The following ZNF407 variants were observed in gnomAD, a reference collection of about 807,000 sequenced individuals.
ZNF407 encodes zinc finger protein 407.
ZNF407 carries 17 observed loss-of-function variants against 131.2 expected under a neutral mutation model. The observed-to-expected ratio is 0.13, with a 90% CI of 0.09 to 0.19. The LOEUF is 0.19. Among genes scored for constraint, ZNF407 ranks in the 10% least tolerant of loss-of-function variants. ZNF407 has a pLI of 1.00. For missense variants in ZNF407, 2,681 were observed against 2,830.6 expected, an observed-to-expected ratio of 0.95 and a Z score of 1.20; for synonymous variants, 1,156 against 1,062.0, an observed-to-expected ratio of 1.09 and a Z score of -1.72.
rs1984379544 is a variant in ZNF407, at chr18:74,635,011, T to C, written c.3992T>C (p.Val1331Ala). 6.2e-7 allele frequency: 1 copy of C among 1,613,922 alleles called. No individual in the cohort carries two copies. ...EEDGPASDSTVESSDVYETII... is the reference protein window; with the variant it reads ...EEDGPASDSTAESSDVYETII... ...GATGGCCCAGCTTCTGATAGCACAG[T>C]TGAAAGTAGTGATGTCTATGAAACT... The change falls in exon 2 of 9, where the codon GTT becomes GCT. Residue 1331 changes from valine to alanine, a missense_variant. Physicochemically the swap from Val to Ala is moderately conservative, Grantham distance 64. This residue lies in a region of ZNF407 where 1,789 missense variants were observed against 1,748.7 expected (regional missense o/e 1.02). Coordinates refer to ENST00000299687, the MANE Select transcript of ZNF407 (RefSeq NM_017757.3). The surrounding 1 kb of genome is among the most constrained non-coding windows in gnomAD (Gnocchi z 4.7).
In ZNF407 at chr18:74,881,604, C is replaced by T. The variant is rs539332436; in HGVS notation, c.5128+485C>T. On this transcript the variant is annotated intron_variant, in intron 6 of 8. Transcript: ENST00000299687. ...CTACCTCCCTGTCTCCCTCCCCACC[C>T]GCCTGTCTATCAATCCATCTGTGAT... 4.6e-5 allele frequency among the ~76,000 whole-genome samples: 7 copies of T among 152,222 alleles called. No individual in the cohort carries two copies. The East Asian group carries it at 5.8e-4, about 13-fold the overall frequency.
At chr18:74,726,566 A>G (rs1013545356) in intron 3 of ZNF407, among the ~76,000 whole-genome samples, 2 of 152,226 alleles carry the variant, frequency 1.3e-5, no homozygotes, top group Admixed American at 6.5e-5. Flanking sequence ...CTCAATTTAC[A>G]CATGAAGGAA....
intron 4 of ZNF407, among the ~76,000 whole-genome samples, chr18:74,824,078 A>G (rs766818894): frequency 1.1e-4 from 17 of 152,226 alleles, no homozygotes; most frequent in East Asian, 3.9e-4. Flanking sequence ...CCACACAACT[A>G]CATGGAAACT....
In ZNF407 at chr18:75,064,531, C is replaced by G; in HGVS notation, c.*63C>G. 7.4e-7 allele frequency: 1 copy of G among 1,347,586 alleles called. No homozygotes were observed. The highest frequency in any genetic ancestry group is 9.9e-7 in the Non-Finnish European group (1 of 1,009,496). 83.5% of individuals were successfully genotyped at this position (1,347,586 alleles called of 1,614,324 possible). ...GGAAGGTCCAGCTTCGGTGGGGGAC[C>G]GTGTTCCCTGAGCTTCATCTGAAAC... On this transcript the variant is annotated 3_prime_UTR_variant, in exon 9 of 9. Coordinates refer to ENST00000299687, the MANE Select transcript of ZNF407 (RefSeq NM_017757.3).
chr18:74,784,360 G>T (rs543783354), intron 4 of ZNF407, among the ~76,000 whole-genome samples: 2 of 152,208 alleles, frequency 1.3e-5, no homozygotes, highest in East Asian at 3.9e-4. Flanking sequence ...CAAGTATTTA[G>T]GCCTTGTGCT....
chr18:74,739,112 C>G (rs1006433700), intron 3 of ZNF407, among the ~76,000 whole-genome samples: 2 of 151,408 alleles, frequency 1.3e-5, no homozygotes, highest in East Asian at 3.9e-4. Flanking sequence ...TTCATACGGC[C>G]ACAGAATTTA....
intron 4 of ZNF407, among the ~76,000 whole-genome samples, chr18:74,860,635 C>A (rs938572754): frequency 6.6e-6 from 1 of 151,868 alleles, no homozygotes; most frequent in Non-Finnish European, 1.5e-5. Context: ...AAGTTTTAAA[C>A]CATGTTTTTA....
chr18:74,773,936 C>G (rs1969413861), intron 3 of ZNF407, among the ~76,000 whole-genome samples: 1 of 152,216 alleles, frequency 6.6e-6, no homozygotes, highest in African/African-American at 2.4e-5. Context: ...CTATAAGAAA[C>G]CAGGACTGAT....
intron 4 of ZNF407, among the ~76,000 whole-genome samples, chr18:74,852,981 T>C (rs1970810399): frequency 6.6e-6 from 1 of 152,236 alleles, no homozygotes; most frequent in Non-Finnish European, 1.5e-5. Flanking sequence ...AATTAATTAA[T>C]ATCACAATTT....
At chr18:74,678,138 A>G (rs1172286241) in intron 3 of ZNF407, among the ~76,000 whole-genome samples, 2 of 152,042 alleles carry the variant, frequency 1.3e-5, no homozygotes, top group Non-Finnish European at 2.9e-5. Flanking sequence ...TTATTTTTTT[A>G]ATGTCATGGA....
At chr18:74,861,345 A>T (rs999309312) in intron 4 of ZNF407, among the ~76,000 whole-genome samples, 2 of 152,208 alleles carry the variant, frequency 1.3e-5, no homozygotes, top group African/African-American at 4.8e-5. Context: ...GCAAAAATCC[A>T]AATGTTTAGT....
At position 75,033,405 on chromosome 18, in the gene ZNF407, G is replaced by A. The variant is rs148866251; in HGVS notation, c.5429-29745G>A. ...ACTTCGTTTTTGTTTTCTCCTGGGC[G>A]AAAAATTTACTGTATCGGTGCTTTT... is the stretch of plus-strand genomic sequence containing the variant. On this transcript the variant is annotated intron_variant, in intron 8 of 8. Coordinates refer to ENST00000299687, the MANE Select transcript of ZNF407 (RefSeq NM_017757.3). 3.7e-3 allele frequency among the ~76,000 whole-genome samples: 556 copies of A among 152,290 alleles called. 3 individuals carry two copies. Among genetic ancestry groups the A allele is most frequent in the Middle Eastern group, 6.8e-3 (2 of 294 alleles).
At chr18:74,689,359 T>G (rs1222133626) in intron 3 of ZNF407, among the ~76,000 whole-genome samples, 1 of 152,236 alleles carries the variant, frequency 6.6e-6, no homozygotes, top group African/African-American at 2.4e-5. Flanking sequence ...TGGTAGCTTT[T>G]TTGTAAACTA....
At chr18:74,864,806 A>G (rs1292212049) in intron 4 of ZNF407, among the ~76,000 whole-genome samples, 1 of 152,188 alleles carries the variant, frequency 6.6e-6, no homozygotes, top group Non-Finnish European at 1.5e-5. Context: ...ATGCTTGCGT[A>G]ATGTAGAAAA....
chr18:75,052,878 C>T (rs1973518817), intron 8 of ZNF407, among the ~76,000 whole-genome samples: 2 of 152,202 alleles, frequency 1.3e-5, no homozygotes, highest in African/African-American at 4.8e-5. Flanking sequence ...GGACCCATAC[C>T]GCATGCTTGT....
intron 4 of ZNF407, among the ~76,000 whole-genome samples, chr18:74,831,753 C>T (rs564648604): frequency 6.6e-4 from 101 of 152,274 alleles, no homozygotes; most frequent in Non-Finnish European, 1.0e-3. Context: ...TCACCCCTGC[C>T]CTGCTGTGCA....
chr18:75,055,755 T>C lies in ZNF407; in HGVS notation c.5429-7395T>C, dbSNP rs535836772. Among the ~76,000 whole-genome samples, 4 of 152,338 alleles carry C rather than the reference T, an allele frequency of 2.6e-5. No individual in the cohort carries two copies. In the East Asian group the frequency reaches 5.8e-4, roughly 22 times the overall value. On this transcript the variant is annotated intron_variant, in intron 8 of 8. Coordinates refer to ENST00000299687, the MANE Select transcript of ZNF407 (RefSeq NM_017757.3). ...CAGAATTCTTTTCAGGGGTTTTATATGATCATCTTCAGTTGCTGCCAGTGT... is the reference window on the plus strand; with the variant it reads ...CAGAATTCTTTTCAGGGGTTTTATACGATCATCTTCAGTTGCTGCCAGTGT...
intron 4 of ZNF407, among the ~76,000 whole-genome samples, chr18:74,810,973 A>G (rs1970185363): frequency 6.6e-6 from 1 of 151,972 alleles, no homozygotes; most frequent in African/African-American, 2.4e-5. Flanking sequence ...ACCAAAAGCA[A>G]TGGCCAAAAA....
chr18:74,648,238 G>A (rs1310285043), intron 3 of ZNF407, among the ~76,000 whole-genome samples: 2 of 152,208 alleles, frequency 1.3e-5, no homozygotes, highest in Non-Finnish European at 2.9e-5. Context: ...AAGTTAGGCA[G>A]ATTAGCAGGG....
Sources: allele counts gnomAD v4.1 joint callset (sites outside exome capture counted in the v4.1 genomes callset), GRCh38; gene constraint gnomAD v4.1.1; regional missense constraint gnomAD v4.1.1; non-coding constraint Gnocchi (gnomAD v3.1); transcripts MANE v1.5; gene names NCBI Gene and HGNC (gene_info 2026-07-23, HGNC 2026-07-21).